The following RSF1 variants were observed in gnomAD, a reference collection of about 807,000 sequenced individuals.
RSF1 encodes HBV pX-associated protein 8.
Under a neutral mutation model 145.2 loss-of-function variants are expected in RSF1, and 13 were observed. The observed-to-expected ratio is 0.09, with a 90% CI of 0.06 to 0.14. The LOEUF (loss-of-function observed/expected upper bound fraction) is 0.14, where lower values mean the gene tolerates loss of function less well. Ranked by LOEUF, RSF1 falls within the 10% of genes least tolerant of loss-of-function variation. RSF1 has a pLI of 1.00. For missense variants in RSF1, 1,517 were observed against 1,718.2 expected, an observed-to-expected ratio of 0.88 and a Z score of 2.07; for synonymous variants, 577 against 592.6, an observed-to-expected ratio of 0.97 and a Z score of 0.38.
chr11:77,838,516 G>A, the RSF1 span, among the ~76,000 whole-genome samples: 3 of 151,964 alleles, frequency 2.0e-5, no homozygotes, highest in Admixed American at 2.0e-4. Flanking sequence ...GGACTTGCCA[G>A]CCTCCAAAAT....
chr11:77,713,208 C>T (rs956004594), intron 5 of RSF1, among the ~76,000 whole-genome samples: 1 of 152,072 alleles, frequency 6.6e-6, no homozygotes, highest in African/African-American at 2.4e-5. Flanking sequence ...TTTTGGCTAT[C>T]TAAAGCTCAT....
chr11:77,684,043 G>C (rs755284415), intron 10 of RSF1, among the ~76,000 whole-genome samples: 1 of 152,088 alleles, frequency 6.6e-6, no homozygotes, highest in Non-Finnish European at 1.5e-5. Flanking sequence ...AAATTCTGAC[G>C]CTTTTGTGAG....
At chr11:77,792,790 TGTAA>T (rs1176862282) in intron 1 of RSF1, among the ~76,000 whole-genome samples, 2 of 150,614 alleles carry the variant, frequency 1.3e-5, no homozygotes, top group Admixed American at 6.6e-5. Context: ...AATTACCCTT[TGTAA>T]GTGAGAAAAA....
Position 77,666,868 on chromosome 11 carries a change from G to T in RSF1, c.*49C>A. On this transcript the variant is annotated 3_prime_UTR_variant, in exon 16 of 16. Transcript: ENST00000308488. ...ACAGCTTTTAATAACTGGCCCGCTG[G>T]TGTGAGAGCTACCGTGGAATAAATT... 1 of 1,419,924 alleles carries T rather than the reference G, an allele frequency of 7.0e-7. No homozygotes were observed. Among genetic ancestry groups the T allele is most frequent in the Non-Finnish European group, 9.5e-7 (1 of 1,054,048 alleles). The allele number at this position is 1,419,924 out of a possible 1,614,324, so 88.0% of individuals were successfully genotyped here.
chr11:77,798,581 TAAAAAAAAAAA>T (rs543236647), intron 1 of RSF1, among the ~76,000 whole-genome samples: 402 of 24,444 alleles, frequency 0.016, 9 homozygotes, highest in African/African-American at 0.045. Flanking sequence ...GACTCCATCT[TAAAAAAAAAAA>T]AAAAAAAAAA....
chr11:77,820,519 C>A lies in RSF1; in HGVS notation c.187+9G>T, dbSNP rs1439019734. The A allele has an allele frequency of 6.5e-7, 1 of 1,547,350 alleles. No individual in the cohort carries two copies. The highest frequency in any genetic ancestry group is 2.4e-5 in the East Asian group (1 of 40,896). On this transcript the variant is annotated intron_variant, in intron 1 of 15. Transcript: ENST00000308488. Reference sequence around the variant, plus strand: ...CGCTTCCCGCCGGGCGTTCGGGCCCCTCGCTTACCTTCTCCGTTGCCGACG... The same window carrying A: ...CGCTTCCCGCCGGGCGTTCGGGCCCATCGCTTACCTTCTCCGTTGCCGACG...
chr11:77,849,561 T>C, the RSF1 span, among the ~76,000 whole-genome samples: 2 of 152,150 alleles, frequency 1.3e-5, no homozygotes, highest in African/African-American at 4.8e-5. Flanking sequence ...GGTCTCACTC[T>C]GTTGCTTAGG....
At chr11:77,692,496 G>A (rs1301124373) in intron 8 of RSF1, among the ~76,000 whole-genome samples, 3 of 102,410 alleles carry the variant, frequency 2.9e-5, no homozygotes, top group Admixed American at 1.1e-4. Context: ...CGCCCGCCTC[G>A]GCCTCCCAAA....
intron 1 of RSF1, among the ~76,000 whole-genome samples, chr11:77,791,293 C>T (rs911998835): frequency 6.6e-6 from 1 of 152,190 alleles, no homozygotes; most frequent in Admixed American, 6.5e-5. Flanking sequence ...AACTTGGCCC[C>T]TTTTAGTCAT....
chr11:77,760,255 G>A (rs1047538463), intron 2 of RSF1, among the ~76,000 whole-genome samples: 9 of 152,138 alleles, frequency 5.9e-5, no homozygotes, highest in Admixed American at 1.3e-4. Flanking sequence ...CAATAAAAAG[G>A]AATGAGATGA....
chr11:77,855,794 T>C, the RSF1 span, among the ~76,000 whole-genome samples: 1 of 151,580 alleles, frequency 6.6e-6, no homozygotes, highest in Non-Finnish European at 1.5e-5. Flanking sequence ...TTGAGTGTTT[T>C]GCTGCTTAAA....
rs376081429 is a variant in RSF1 at position 77,671,281 on chromosome 11, GTCTTGTAC to G, written c.3751+753_3751+760del. ...GTAAGAAATTCATATTTTAGAGCTT[GTCTTGTAC>G]TACTGGTAGGGGGCACAGTTATAGC... On this transcript the variant is annotated intron_variant, in intron 15 of 15. Transcript: ENST00000308488. Among the ~76,000 whole-genome samples the G allele has an allele frequency of 5.4e-3, 805 of 148,250 alleles. 10 individuals are homozygous for G. Among genetic ancestry groups the G allele is most frequent in the African/African-American group, 0.018 (719 of 40,390 alleles).
chr11:77,789,839 C>T (rs528520909), intron 1 of RSF1, among the ~76,000 whole-genome samples: 1 of 152,356 alleles, frequency 6.6e-6, no homozygotes, highest in South Asian at 2.1e-4. Flanking sequence ...CAGGGGACTG[C>T]TCAGCCCACC....
At chr11:77,843,734 C>G in the RSF1 span, among the ~76,000 whole-genome samples, 1 of 152,056 alleles carries the variant, frequency 6.6e-6, no homozygotes, top group Non-Finnish European at 1.5e-5. Context: ...GGTTCTGGTC[C>G]TTGTATTAAT....
chr11:77,744,402 C>A (rs1421808801), intron 3 of RSF1, among the ~76,000 whole-genome samples: 2 of 152,154 alleles, frequency 1.3e-5, no homozygotes, highest in African/African-American at 4.8e-5. Context: ...ACAGCTCAAG[C>A]AATCCTCTGC....
the RSF1 span, among the ~76,000 whole-genome samples, chr11:77,828,502 C>A: frequency 6.6e-6 from 1 of 151,776 alleles, no homozygotes. Context: ...CCCATCTCTA[C>A]TAAAAATACA....
chr11:77,811,495 A>G (rs1178976813), intron 1 of RSF1, among the ~76,000 whole-genome samples: 1 of 152,192 alleles, frequency 6.6e-6, no homozygotes, highest in East Asian at 1.9e-4. Context: ...TGAAGTGGTT[A>G]ATTTAACTTG....
intron 1 of RSF1, among the ~76,000 whole-genome samples, chr11:77,787,403 T>C (rs898801949): frequency 2.6e-5 from 4 of 152,168 alleles, no homozygotes; most frequent in Non-Finnish European, 5.9e-5. Flanking sequence ...GAACATTTCA[T>C]GACAATTTAA....
chr11:77,858,749 C>G, the RSF1 span, among the ~76,000 whole-genome samples: 1 of 152,114 alleles, frequency 6.6e-6, no homozygotes, highest in Admixed American at 6.5e-5. Context: ...GGGAGGGATG[C>G]CTTTGATGTC....
Sources: allele counts gnomAD v4.1 joint callset (sites outside exome capture counted in the v4.1 genomes callset), GRCh38; gene constraint gnomAD v4.1.1; transcripts MANE v1.5; gene names NCBI Gene and HGNC (gene_info 2026-07-23, HGNC 2026-07-21).